The following DRC4 variants were observed in gnomAD, a reference collection of about 807,000 sequenced individuals.
DRC4 encodes the protein dynein regulatory complex subunit 4.
At chr16:90,038,967 T>C in the DRC4 span, among the ~76,000 whole-genome samples, 3 of 152,212 alleles carry the variant, frequency 2.0e-5, no homozygotes, top group Non-Finnish European at 2.9e-5. Context: ...TAATTGAAAT[T>C]TTTGAACACA....
chr16:90,043,680 C>T, the DRC4 span: 1 of 525,324 alleles, frequency 1.9e-6, no homozygotes, highest in Non-Finnish European at 3.8e-6. Flanking sequence ...GCTGTGCTGC[C>T]TGTCTTCGCG....
At chr16:90,035,891 A>C in the DRC4 span, 2 of 1,461,240 alleles carry the variant, frequency 1.4e-6, no homozygotes, top group African/African-American at 2.8e-5. Context: ...TGAGTTTGGG[A>C]GGCTGTGATT....
the DRC4 span, among the ~76,000 whole-genome samples, chr16:90,026,778 G>C: frequency 6.6e-6 from 1 of 151,980 alleles, no homozygotes; most frequent in Non-Finnish European, 1.5e-5. Flanking sequence ...AAACTTCTAG[G>C]CTCAAGTGAT....
the DRC4 span, chr16:90,036,447 C>G: frequency 3.1e-6 from 5 of 1,613,896 alleles, no homozygotes; most frequent in Admixed American, 1.7e-5. Flanking sequence ...CGGAGAAAGA[C>G]TGAGCTCCAC....
chr16:90,029,357 G>A, the DRC4 span: 1 of 1,309,988 alleles, frequency 7.6e-7, no homozygotes, highest in Non-Finnish European at 1.0e-6. Context: ...TCACTGGGGA[G>A]TGCCTTGTGG....
the DRC4 span, chr16:90,044,506 A>C: frequency 2.1e-6 from 1 of 471,036 alleles, no homozygotes; most frequent in Non-Finnish European, 4.4e-6. Flanking sequence ...TCTCACCTCC[A>C]CATGTGGGTA....
At chr16:90,020,215 G>C in the DRC4 span, 1 of 474,790 alleles carries the variant, frequency 2.1e-6, no homozygotes, top group African/African-American at 2.0e-5. Flanking sequence ...ATTGACTCAT[G>C]CCTGTAATCC....
At chr16:90,032,775 A>G in the DRC4 span, 1 of 1,613,954 alleles carries the variant, frequency 6.2e-7, no homozygotes. Context: ...CCTGACAGAG[A>G]TGAAGGCTGA....
At chr16:90,023,344 G>A in the DRC4 span, among the ~76,000 whole-genome samples, 5 of 152,296 alleles carry the variant, frequency 3.3e-5, no homozygotes, top group African/African-American at 9.6e-5. Flanking sequence ...AGAGGAAGGC[G>A]GAGCTCGTGG....
chr16:90,022,589 C>T, the DRC4 span: 4 of 1,066,010 alleles, frequency 3.8e-6, no homozygotes, highest in Non-Finnish European at 5.0e-6. Context: ...TTGGCAGGGC[C>T]GCTGCCCGGC....
chr16:90,021,843 G>A, the DRC4 span, among the ~76,000 whole-genome samples: 1,456 of 129,672 alleles, frequency 0.011, 13 homozygotes, highest in Admixed American at 0.016. Flanking sequence ...GCGACAGAAG[G>A]AGACCCTGTC....
the DRC4 span, among the ~76,000 whole-genome samples, chr16:90,039,163 G>A: frequency 6.6e-6 from 1 of 152,120 alleles, no homozygotes; most frequent in African/African-American, 2.4e-5. Context: ...TTAGACAAGG[G>A]GCCCTTCCTT....
the DRC4 span, chr16:90,037,462 G>A: frequency 4.6e-6 from 7 of 1,526,624 alleles, no homozygotes; most frequent in Admixed American, 2.0e-5. Context: ...CAGGAGGGAG[G>A]AGCATCACAG....
At chr16:90,020,338 A>C in the DRC4 span, among the ~76,000 whole-genome samples, 6 of 151,702 alleles carry the variant, frequency 4.0e-5, no homozygotes, top group Non-Finnish European at 5.9e-5. Flanking sequence ...GAAAAGAAAA[A>C]GTCTAGTCTT....
At chr16:90,044,308 G>C in the DRC4 span, 1 of 426,370 alleles carries the variant, frequency 2.3e-6, no homozygotes, top group Non-Finnish European at 4.7e-6. Context: ...GGTGAGTGAC[G>C]GGTGTGTCCT....
At chr16:90,027,233 C>T in the DRC4 span, among the ~76,000 whole-genome samples, 1 of 151,914 alleles carries the variant, frequency 6.6e-6, no homozygotes, top group Non-Finnish European at 1.5e-5. Context: ...CTACAGGCGC[C>T]CACCGGCACG....
chr16:90,034,948 G>C, the DRC4 span, among the ~76,000 whole-genome samples: 2 of 130,960 alleles, frequency 1.5e-5, no homozygotes, highest in Middle Eastern at 0.011. Flanking sequence ...TTGTTGCCCA[G>C]GCTGGAGTGC....
chr16:90,038,671 GT>G, the DRC4 span, among the ~76,000 whole-genome samples: 1 of 152,144 alleles, frequency 6.6e-6, no homozygotes, highest in Admixed American at 6.5e-5. Flanking sequence ...CGGAGGGGCC[GT>G]TTCCATCCTC....
At chr16:90,020,720 C>G in the DRC4 span, 1 of 152,266 alleles carries the variant, frequency 6.6e-6, no homozygotes, top group African/African-American at 2.4e-5. Flanking sequence ...CCCACACCGA[C>G]AGACCAGGAT....
Sources: gnomAD v4.1 joint callset for allele counts (sites outside exome capture counted in the v4.1 genomes callset) on GRCh38, gnomAD v4.1.1 for gene constraint, MANE v1.5 for transcripts, NCBI Gene and HGNC (gene_info 2026-07-23, HGNC 2026-07-21) for gene names.